Variants in CARMIL1 observed in about 807,000 individuals in gnomAD.
CARMIL1 encodes F-actin-uncapping protein LRRC16A.
CARMIL1 carries 90 observed loss-of-function variants against 177.1 expected under a neutral mutation model. The observed-to-expected ratio is 0.51, with a 90% CI of 0.43 to 0.61. The LOEUF (loss-of-function observed/expected upper bound fraction) is 0.61. Among genes scored for constraint, CARMIL1 ranks in the 20% least tolerant of loss-of-function variants. The pLI is 0.00. For synonymous variants in CARMIL1, 577 were observed against 606.2 expected (o/e 0.95, Z 0.71); for missense variants, 1,380 against 1,667.0 (o/e 0.83, Z 3.00).
chr6:25,553,872 T>C (rs184254324), intron 27 of CARMIL1, 137 bp from the exon 28 acceptor site: 8 of 632,366 alleles, frequency 1.3e-5, no homozygotes, highest in African/African-American at 1.2e-4. Context: ...CTTAGTCCTG[T>C]TCACACATTC....
chr6:25,492,341 G>T (rs986383081), intron 15 of CARMIL1, among the ~76,000 whole-genome samples: 9 of 152,180 alleles, frequency 5.9e-5, no homozygotes, highest in Admixed American at 2.6e-4. Flanking sequence ...TTTCTCACGG[G>T]TGAGCTTGGA....
intron 29 of CARMIL1, among the ~76,000 whole-genome samples, chr6:25,580,519 A>G (rs1432565389): frequency 6.6e-6 from 1 of 152,216 alleles, no homozygotes; most frequent in African/African-American, 2.4e-5. Flanking sequence ...CATTGATGTG[A>G]CACAGAAAGA....
intron 1 of CARMIL1, among the ~76,000 whole-genome samples, chr6:25,281,514 A>G (rs192214209): frequency 1.3e-5 from 2 of 152,274 alleles, no homozygotes; most frequent in Admixed American, 1.3e-4. Context: ...CTGGGTTTCT[A>G]TTCATGGTTC....
intron 2 of CARMIL1, among the ~76,000 whole-genome samples, chr6:25,367,480 T>A (rs948464938): frequency 6.6e-5 from 10 of 151,926 alleles, no homozygotes; most frequent in African/African-American, 2.2e-4. Flanking sequence ...AAGGACCTCC[T>A]AGGGGAGAGC....
chr6:25,542,135 G>A (rs907068670), intron 26 of CARMIL1, among the ~76,000 whole-genome samples: 2 of 152,180 alleles, frequency 1.3e-5, no homozygotes, highest in African/African-American at 4.8e-5. Context: ...AAATGGGCAT[G>A]AAACATTTGT....
chr6:25,403,273 CT>C (rs1794049495), intron 2 of CARMIL1, among the ~76,000 whole-genome samples: 1 of 152,102 alleles, frequency 6.6e-6, no homozygotes, highest in Non-Finnish European at 1.5e-5. Flanking sequence ...AACCAATGGG[CT>C]CCATCATCAG....
chr6:25,361,991 A>T (rs1789246101), intron 2 of CARMIL1, among the ~76,000 whole-genome samples: 1 of 152,198 alleles, frequency 6.6e-6, no homozygotes, highest in Non-Finnish European at 1.5e-5. Flanking sequence ...AGAAATTAAA[A>T]AAAGAAAGAA....
intron 2 of CARMIL1, among the ~76,000 whole-genome samples, chr6:25,418,231 G>T (rs567641468): frequency 2.0e-4 from 30 of 152,306 alleles, no homozygotes; most frequent in Admixed American, 8.5e-4. Flanking sequence ...AACACCTTGT[G>T]CAAACAGAAA....
intron 2 of CARMIL1, among the ~76,000 whole-genome samples, chr6:25,320,882 T>C (rs1054679695): frequency 6.6e-6 from 1 of 152,226 alleles, no homozygotes; most frequent in African/African-American, 2.4e-5. Flanking sequence ...CTAACACTAA[T>C]GATAGCTAAT....
intron 29 of CARMIL1, among the ~76,000 whole-genome samples, chr6:25,569,078 C>G (rs762242779): frequency 3.3e-5 from 5 of 152,142 alleles, no homozygotes; most frequent in Non-Finnish European, 7.4e-5. Flanking sequence ...AGATTAAAAG[C>G]AGCAAATAAT....
At chr6:25,435,969 T>C (rs1453786979) in intron 5 of CARMIL1, among the ~76,000 whole-genome samples, 1 of 152,222 alleles carries the variant, frequency 6.6e-6, no homozygotes, top group African/African-American at 2.4e-5. Flanking sequence ...GCACCAAGTA[T>C]AATGCAGATG....
chr6:25,498,651 A>G (rs1257971740), intron 16 of CARMIL1, among the ~76,000 whole-genome samples: 2 of 152,154 alleles, frequency 1.3e-5, no homozygotes, highest in African/African-American at 4.8e-5. Flanking sequence ...AATAAAAGGG[A>G]CCTCTTTGGT....
intron 2 of CARMIL1, among the ~76,000 whole-genome samples, chr6:25,311,313 G>A (rs1783799925): frequency 6.6e-6 from 1 of 152,180 alleles, no homozygotes; most frequent in African/African-American, 2.4e-5. Context: ...TCAAAGGTAG[G>A]AGAATAGGAG....
At chr6:25,511,779 A>G (rs420098) in intron 20 of CARMIL1, among the ~76,000 whole-genome samples, 66,342 of 151,932 alleles carry the variant, frequency 0.44, 14,884 homozygotes, top group Middle Eastern at 0.52. Flanking sequence ...CTTCTTTGAC[A>G]GGGCTCTGAG....
At chr6:25,376,770 G>A (rs1392652759) in intron 2 of CARMIL1, among the ~76,000 whole-genome samples, 2 of 152,164 alleles carry the variant, frequency 1.3e-5, no homozygotes, top group Middle Eastern at 3.2e-3. Flanking sequence ...TAGGAGAGAT[G>A]TCCATGGGTA....
In CARMIL1 at chr6:25,544,638, CACACACA is replaced by C. The variant is rs768651536; in HGVS notation, c.2328+4561_2328+4567del. ...ACACACACACACACACACACACACACACACACACCCCAAACACTAAAGGATATACTTT... is the reference window on the plus strand; with the variant it reads ...ACACACACACACACACACACACACACCCCCAAACACTAAAGGATATACTTT... On this transcript the variant is annotated intron_variant, in intron 26 of 36. Coordinates refer to ENST00000329474, the MANE Select transcript of CARMIL1 (RefSeq NM_017640.6). 5.8e-3 allele frequency among the ~76,000 whole-genome samples: 881 copies of C among 151,128 alleles called. 3 individuals carry two copies. The highest frequency in any genetic ancestry group is 0.017 in the African/African-American group (679 of 40,854).
intron 2 of CARMIL1, among the ~76,000 whole-genome samples, chr6:25,307,011 T>G (rs1239086317): frequency 6.6e-6 from 1 of 151,878 alleles, no homozygotes; most frequent in Non-Finnish European, 1.5e-5. Context: ...CTGGAGTAGC[T>G]TGGCTTACAG....
rs528544700 is a variant in CARMIL1 at position 25,573,562 on chromosome 6, A to G, written c.2743-7362A>G. 2.7e-5 allele frequency among the ~76,000 whole-genome samples: 4 copies of G among 149,842 alleles called. No homozygotes were observed. In the East Asian group the frequency reaches 8.0e-4, roughly 30 times the overall value. Reference sequence around the variant, plus strand: ...CGCCTCTGCCAGTTTTTTGCCAGCAATAAGAAAACGGAGGGTTTACCTCTA... The same window carrying G: ...CGCCTCTGCCAGTTTTTTGCCAGCAGTAAGAAAACGGAGGGTTTACCTCTA... On this transcript the variant is annotated intron_variant, in intron 29 of 36. Coordinates refer to ENST00000329474, the MANE Select transcript of CARMIL1 (RefSeq NM_017640.6).
intron 2 of CARMIL1, among the ~76,000 whole-genome samples, chr6:25,361,475 A>T (rs1360198250): frequency 6.6e-6 from 1 of 151,860 alleles, no homozygotes; most frequent in Non-Finnish European, 1.5e-5. Context: ...ATCTTAAGTC[A>T]TCTTTATGAA....
Sources: allele counts gnomAD v4.1 joint callset (sites outside exome capture counted in the v4.1 genomes callset), GRCh38; gene constraint gnomAD v4.1.1; transcripts MANE v1.5; gene names NCBI Gene and HGNC (gene_info 2026-07-23, HGNC 2026-07-21).